Variants in TCF3 observed in about 807,000 individuals in gnomAD.
The protein encoded by TCF3 is transcription factor E2-alpha.
A neutral mutation model predicts 72.3 loss-of-function variants in TCF3; 54 were observed. The observed-to-expected ratio is 0.75, with a 90% CI of 0.60 to 0.94. TCF3 has a LOEUF of 0.94. Among genes scored for constraint, TCF3 ranks in the 40% least tolerant of loss-of-function variants. TCF3 has a pLI of 0.00. For missense variants in TCF3, 1,078 were observed against 934.4 expected, an observed-to-expected ratio of 1.15 and a Z score of -2.00; for synonymous variants, 525 against 412.6, an observed-to-expected ratio of 1.27 and a Z score of -3.30.
intron 12 of TCF3, 42 bp downstream of exon 12, chr19:1,621,091 T>C (rs758655630): frequency 3.3e-6 from 5 of 1,521,022 alleles, no homozygotes; most frequent in Non-Finnish European, 4.4e-6. Flanking sequence ...GGCCGGCCTC[T>C]CAGGTCACTT....
chr19:1,623,851 G>A (rs2240592), intron 8 of TCF3, 100 bp downstream of exon 8: 6 of 1,264,672 alleles, frequency 4.7e-6, no homozygotes, highest in Non-Finnish European at 5.6e-6. Context: ...TGTCCACTCA[G>A]GGCCCACCCC....
At chr19:1,630,891 G>A (rs774037115) in intron 5 of TCF3, among the ~76,000 whole-genome samples, 8 of 152,178 alleles carry the variant, frequency 5.3e-5, no homozygotes, top group Non-Finnish European at 1.2e-4. Context: ...GTGAAGCTCG[G>A]GGCATTTCCT....
chr19:1,632,738 C>G (rs1473928336), intron 3 of TCF3, among the ~76,000 whole-genome samples: 1 of 152,216 alleles, frequency 6.6e-6, no homozygotes, highest in Non-Finnish European at 1.5e-5. Context: ...TCCCCATCAG[C>G]CCCAAGTCCC....
At chr19:1,646,668 A>G (rs2066150205) in intron 2 of TCF3, among the ~76,000 whole-genome samples, 1 of 152,112 alleles carries the variant, frequency 6.6e-6, no homozygotes, top group East Asian at 1.9e-4. Context: ...ACTCCAGACG[A>G]TGACCCCGCT....
intron 11 of TCF3, 44 bp from the exon 12 acceptor site, chr19:1,621,235 G>A: frequency 2.0e-6 from 3 of 1,521,900 alleles, no homozygotes; most frequent in Non-Finnish European, 2.6e-6. Context: ...CGGCCTGGGT[G>A]CTGCCGCCGA....
intron 3 of TCF3, among the ~76,000 whole-genome samples, chr19:1,640,522 G>C (rs1015756179): frequency 6.6e-6 from 1 of 151,438 alleles, no homozygotes; most frequent in Non-Finnish European, 1.5e-5. Flanking sequence ...CCAATGCACA[G>C]TGCTCAAGAA....
At chr19:1,650,481 G>A (rs1443489108) in intron 1 of TCF3, 194 bp from the exon 2 acceptor site, 2 of 546,384 alleles carry the variant, frequency 3.7e-6, no homozygotes, top group Admixed American at 3.3e-5. Context: ...CCAGAGTCTA[G>A]GTCCCTGCAG....
At chr19:1,652,122 C>CG (rs2067210611) in intron 1 of TCF3, among the ~76,000 whole-genome samples, 178 bp downstream of exon 1, 2 of 150,048 alleles carry the variant, frequency 1.3e-5, no homozygotes, top group South Asian at 4.2e-4. Context: ...GCCGCCCCCC[C>CG]GGCGCCGCGC....
chr19:1,611,859 G>A lies in TCF3; in HGVS notation c.1823-10C>T, dbSNP rs201548280. The stretch of plus-strand genomic sequence containing the variant: ...GGATTCAGGTTCCGCTCTGGAGGGA[G>A]GGGGGAGAGCTCTGTGGGAGACGGT... On this transcript the variant is annotated splice_polypyrimidine_tract_variant and intron_variant, in intron 18 of 18. Coordinates refer to ENST00000262965, the MANE Select transcript of TCF3 (RefSeq NM_003200.5). 5.4e-5 allele frequency: 86 copies of A among 1,605,124 alleles called. 1 individual carries two copies. The highest frequency in any genetic ancestry group is 1.9e-4 in the South Asian group (17 of 90,684).
intron 1 of TCF3, chr19:1,650,550 A>C (rs1600216391): frequency 2.8e-6 from 1 of 361,892 alleles, no homozygotes. Context: ...GCAAATATAA[A>C]CTCCCTAACT....
At chr19:1,648,299 T>G (rs2145705649) in intron 2 of TCF3, among the ~76,000 whole-genome samples, 1 of 152,284 alleles carries the variant, frequency 6.6e-6, no homozygotes, top group Admixed American at 6.5e-5. Context: ...AGGGGCTGCC[T>G]CTGCCTCCCC....
Position 1,611,435 on chromosome 19 carries a change from T to C in TCF3, c.*272A>G, listed in dbSNP as rs1267542054. On this transcript the variant is annotated 3_prime_UTR_variant, in exon 19 of 19. Coordinates refer to ENST00000262965, the MANE Select transcript of TCF3 (RefSeq NM_003200.5). ...GGCCAAGATGCAGTTTCAGGATCCA[T>C]GGGACAGGTCACAGAGTGACACGGT... The C allele has an allele frequency of 1.2e-5, 5 of 417,928 alleles. No individual in the cohort carries two copies. The highest frequency in any genetic ancestry group is 6.1e-5 in the African/African-American group (3 of 48,856). 25.9% of individuals were successfully genotyped at this position (417,928 alleles called of 1,614,324 possible). A position where few individuals can be genotyped will look rare whatever the true frequency, so the allele number is the denominator to read the frequency against.
rs370239403 is a variant in TCF3, at chr19:1,645,759, C to T, written c.145+596G>A. On this transcript the variant is annotated intron_variant, in intron 3 of 18. Coordinates refer to ENST00000262965, the MANE Select transcript of TCF3 (RefSeq NM_003200.5). ...GTCCCGCCCACTGCTGTGTCATCAGCGAGGGTGACCCGCTCATCCAGGTCA... is the reference window on the plus strand; with the variant it reads ...GTCCCGCCCACTGCTGTGTCATCAGTGAGGGTGACCCGCTCATCCAGGTCA... Among the ~76,000 whole-genome samples, 19 of 152,300 alleles carry T rather than the reference C, an allele frequency of 1.2e-4. 1 individual carries two copies. The East Asian group carries it at 1.9e-3, about 15-fold the overall frequency.
rs72618599 is a variant in TCF3 at position 1,609,761 on chromosome 19, C to T, written c.*1946G>A. 10,290 of 230,428 alleles carry T rather than the reference C, an allele frequency of 0.045. 1,299 individuals carry two copies. The highest frequency in any genetic ancestry group is 0.38 in the East Asian group (6,158 of 16,170). 14.3% of individuals were successfully genotyped at this position (230,428 alleles called of 1,614,324 possible). ...GGGCAGATACCAGGCATTGAGCTGG[C>T]CTTGAGGTTTCCCTTGCATCTACCA... is the stretch of plus-strand genomic sequence containing the variant. On this transcript the variant is annotated 3_prime_UTR_variant, in exon 19 of 19. Transcript: ENST00000262965.
At chr19:1,638,440 G>A (rs1370369968) in intron 3 of TCF3, among the ~76,000 whole-genome samples, 3 of 152,048 alleles carry the variant, frequency 2.0e-5, no homozygotes, top group Non-Finnish European at 2.9e-5. Flanking sequence ...CCACCACCGC[G>A]CCCGGCTAAT....
intron 1 of TCF3, among the ~76,000 whole-genome samples, 188 bp downstream of exon 1, chr19:1,652,112 G>A (rs1353495251): frequency 1.8e-4 from 26 of 148,558 alleles, no homozygotes; most frequent in Admixed American, 1.4e-3. Flanking sequence ...CCTCCACGTC[G>A]CCGCCCCCCC....
chr19:1,627,842 A>T (rs1485021313), intron 5 of TCF3, among the ~76,000 whole-genome samples: 1 of 20,888 alleles, frequency 4.8e-5, no homozygotes, highest in East Asian at 2.2e-3. Flanking sequence ...CAGAGCTCAC[A>T]GGGGGTGAGG....
At chr19:1,621,718 C>G in intron 11 of TCF3, 120 bp downstream of exon 11, 1 of 1,321,888 alleles carries the variant, frequency 7.6e-7, no homozygotes, top group Non-Finnish European at 1.0e-6. Context: ...GACAACAACC[C>G]GCTCTCAGGG....
intron 1 of TCF3, among the ~76,000 whole-genome samples, chr19:1,652,021 G>GACAC: frequency 6.7e-6 from 1 of 150,236 alleles, no homozygotes; most frequent in Non-Finnish European, 1.5e-5. Flanking sequence ...GGCGCCCCCC[G>GACAC]CGCCCCCGCC....
Sources: allele counts gnomAD v4.1 joint callset (sites outside exome capture counted in the v4.1 genomes callset), GRCh38; gene constraint gnomAD v4.1.1; transcripts MANE v1.5; gene names NCBI Gene and HGNC (gene_info 2026-07-23, HGNC 2026-07-21).